The following PCDHA4 variants were observed in gnomAD, a reference collection of about 807,000 sequenced individuals.
PCDHA4 encodes protocadherin alpha-4.
In PCDHA4, 49 loss-of-function variants were observed where a neutral mutation model predicts 61.4. The ratio of observed to expected loss-of-function variants is 0.80; its 90% CI spans 0.63 to 1.01. The LOEUF is 1.01. Ranked by LOEUF, PCDHA4 falls within the 50% of genes least tolerant of loss-of-function variation. PCDHA4 has a pLI of 0.00. For synonymous variants in PCDHA4, 590 were observed against 550.3 expected, an observed-to-expected ratio of 1.07 and a Z score of -1.01; for missense variants, 1,254 against 1,235.8, an observed-to-expected ratio of 1.01 and a Z score of -0.22.
At chr5:140,884,129 C>T (rs1554181252) in intron 1 of PCDHA4, 1 of 1,613,420 alleles carries the variant, frequency 6.2e-7, no homozygotes, top group Non-Finnish European at 8.5e-7. Context: ...CGCGCGCATC[C>T]CGTTCCGCGT....
chr5:140,982,789 G>A (rs894929116), intron 3 of PCDHA4, among the ~76,000 whole-genome samples: 3 of 151,400 alleles, frequency 2.0e-5, no homozygotes, highest in Admixed American at 6.5e-5. Context: ...GTGCACGCAT[G>A]TGTGCATGTG....
At chr5:140,864,854 A>T (rs1554159169) in intron 1 of PCDHA4, 1 of 152,178 alleles carries the variant, frequency 6.6e-6, no homozygotes, top group Non-Finnish European at 1.5e-5. Context: ...CCCATACATG[A>T]TGAAGGGTGA....
At chr5:140,861,503 C>T in intron 1 of PCDHA4, 3 of 478,536 alleles carry the variant, frequency 6.3e-6, no homozygotes, top group South Asian at 4.8e-5. Flanking sequence ...TGATAGACCT[C>T]GAGGAGCTGT....
At chr5:140,941,255 C>CTTTT (rs782490896) in intron 1 of PCDHA4, among the ~76,000 whole-genome samples, 1 of 44,504 alleles carries the variant, frequency 2.2e-5, no homozygotes, top group Non-Finnish European at 5.1e-5. Flanking sequence ...TTCTTTCTTT[C>CTTTT]TCTTTCTTTC....
intron 3 of PCDHA4, among the ~76,000 whole-genome samples, chr5:140,998,381 G>A (rs932010146): frequency 4.6e-5 from 7 of 152,144 alleles, no homozygotes; most frequent in Non-Finnish European, 2.9e-5. Flanking sequence ...TCTCTAGAAA[G>A]TTTAATGCCA....
chr5:140,841,085 A>G, intron 1 of PCDHA4: 1 of 553,322 alleles, frequency 1.8e-6, no homozygotes. Context: ...AAGTGCATAG[A>G]AGAACCCAGA....
chr5:140,989,788 G>A (rs2097360346), intron 3 of PCDHA4, among the ~76,000 whole-genome samples: 2 of 152,158 alleles, frequency 1.3e-5, no homozygotes, highest in Admixed American at 1.3e-4. Context: ...GAGACTAGAG[G>A]CCCCCAGGAA....
intron 1 of PCDHA4, among the ~76,000 whole-genome samples, chr5:140,900,759 A>G (rs1419646582): frequency 6.6e-6 from 1 of 152,044 alleles, no homozygotes; most frequent in Non-Finnish European, 1.5e-5. Context: ...TGGTAGCTCT[A>G]TTTTTGGCTT....
At position 140,844,249 on chromosome 5, in the gene PCDHA4, G is replaced by A. The variant is rs2150370021; in HGVS notation, c.2385+34677G>A. Among the ~76,000 whole-genome samples, 545 of 149,548 alleles carry A rather than the reference G, an allele frequency of 3.6e-3. 48 individuals carry two copies. The highest frequency in any genetic ancestry group is 5.8e-3 in the Non-Finnish European group (388 of 66,804). ...TGGTGTTTCACTATTGCCGTTTTAA[G>A]CAGTGTAGTGATAAAATACAGAATG... On this transcript the variant is annotated intron_variant, in intron 1 of 3. Coordinates refer to ENST00000530339, the MANE Select transcript of PCDHA4 (RefSeq NM_018907.4).
At chr5:140,822,035 C>A (rs2150113040) in intron 1 of PCDHA4, 15 of 1,614,084 alleles carry the variant, frequency 9.3e-6, no homozygotes, top group Non-Finnish European at 1.2e-5. Flanking sequence ...TTTGTGAATT[C>A]TCGGATCGAC....
At position 140,846,681 on chromosome 5, in the gene PCDHA4, C is replaced by T. The variant is rs1425082989; in HGVS notation, c.2385+37109C>T. Reference sequence around the variant, plus strand: ...GAGCCACCGCGCCCAGCCTAAAATGCTTTCTTAGCAAGTAGAGAAGATTGT... The same window carrying T: ...GAGCCACCGCGCCCAGCCTAAAATGTTTTCTTAGCAAGTAGAGAAGATTGT... On this transcript the variant is annotated intron_variant, in intron 1 of 3. Coordinates refer to ENST00000530339, the MANE Select transcript of PCDHA4 (RefSeq NM_018907.4). Among the ~76,000 whole-genome samples, 2 of 149,174 alleles carry T rather than the reference C, an allele frequency of 1.3e-5. 1 individual carries two copies. The highest frequency in any genetic ancestry group is 1.3e-4 in the Admixed American group (2 of 14,874).
Position 140,857,175 on chromosome 5 carries a change from A to C in PCDHA4, c.2385+47603A>C, listed in dbSNP as rs149086377. On this transcript the variant is annotated intron_variant, in intron 1 of 3. Transcript: ENST00000530339. ...ATTGCCCTAATCAGCGTTTCTGACC[A>C]TGATTCAGGAGCCAACGGACAGGTC... The C allele has an allele frequency of 2.5e-6, 4 of 1,598,338 alleles. No homozygotes were observed. The South Asian group carries it at 3.3e-5, about 13-fold the overall frequency.
chr5:140,862,674 C>A (rs782474067), intron 1 of PCDHA4: 5 of 549,972 alleles, frequency 9.1e-6, no homozygotes, highest in Non-Finnish European at 1.5e-5. Context: ...CGCAGGAGAA[C>A]GTGCTGGTGT....
At chr5:140,842,617 G>A (rs2150340722) in intron 1 of PCDHA4, 15 of 1,572,174 alleles carry the variant, frequency 9.5e-6, no homozygotes, top group South Asian at 7.8e-5. Context: ...ACGGGGGCTC[G>A]CCTTCGCTGT....
intron 1 of PCDHA4, chr5:140,883,364 A>T (rs782725621): frequency 6.2e-7 from 1 of 1,614,168 alleles, no homozygotes; most frequent in African/African-American, 1.3e-5. Context: ...CACTCAGCCT[A>T]GCGCCATTAT....
intron 1 of PCDHA4, chr5:140,815,957 G>T (rs181036554): frequency 6.6e-6 from 1 of 152,242 alleles, no homozygotes; most frequent in African/African-American, 2.4e-5. Context: ...GTAGAGTTAG[G>T]GGTGTTCTTT....
rs2150186249 is a variant in PCDHA4 at position 140,830,415 on chromosome 5, G to A, written c.2385+20843G>A. ...ATGGATCTCATGGCCTTTAGCCCCA[G>A]CCTTTCACCTTGTCCTATTATGATG... On this transcript the variant is annotated intron_variant, in intron 1 of 3. Coordinates refer to ENST00000530339, the MANE Select transcript of PCDHA4 (RefSeq NM_018907.4). 22 of 1,614,018 alleles carry A rather than the reference G, an allele frequency of 1.4e-5. No individual in the cohort carries two copies. In the East Asian group the frequency reaches 1.8e-4, roughly 13 times the overall value.
chr5:141,003,352 C>T (rs747533399), intron 3 of PCDHA4, among the ~76,000 whole-genome samples: 38 of 152,318 alleles, frequency 2.5e-4, no homozygotes, highest in Non-Finnish European at 1.5e-4. Context: ...TGCTCTGTCA[C>T]CCAGGCTGGA....
chr5:140,953,075 A>G (rs1208986278), intron 1 of PCDHA4, among the ~76,000 whole-genome samples: 4 of 152,190 alleles, frequency 2.6e-5, no homozygotes, highest in Admixed American at 2.6e-4. Context: ...CATCTCCAAC[A>G]TTGGGGATTA....
Sources: allele counts gnomAD v4.1 joint callset (sites outside exome capture counted in the v4.1 genomes callset), GRCh38; gene constraint gnomAD v4.1.1; transcripts MANE v1.5; gene names NCBI Gene and HGNC (gene_info 2026-07-23, HGNC 2026-07-21).